The following KAZN variants were observed in gnomAD, a reference collection of about 807,000 sequenced individuals.
KAZN encodes the protein kazrin, periplakin interacting protein.
In KAZN, 40 loss-of-function variants were observed where a neutral mutation model predicts 87.4. The observed-to-expected ratio is 0.46, with a 90% CI of 0.36 to 0.60. The LOEUF is 0.60. Ranked by LOEUF, KAZN falls within the 20% of genes least tolerant of loss-of-function variation. The pLI is 0.00. For synonymous variants in KAZN, 466 were observed against 458.3 expected (o/e 1.02, Z -0.22); for missense variants, 898 against 1,073.9 (o/e 0.84, Z 2.29).
intron 2 of KAZN, among the ~76,000 whole-genome samples, chr1:14,564,656 A>AAC (rs1674444863): frequency 6.6e-6 from 1 of 150,684 alleles, no homozygotes; most frequent in Admixed American, 6.6e-5. Context: ...ATACAAAAAA[A>AAC]AAAAAAATTA....
At chr1:14,217,163 T>C (rs1245756997) in intron 2 of KAZN, among the ~76,000 whole-genome samples, 1 of 152,186 alleles carries the variant, frequency 6.6e-6, no homozygotes, top group Non-Finnish European at 1.5e-5. Context: ...AAGAAGACTC[T>C]TGCCAGATGC....
chr1:14,305,115 G>C (rs1200411027), intron 2 of KAZN, among the ~76,000 whole-genome samples: 1 of 152,076 alleles, frequency 6.6e-6, no homozygotes, highest in African/African-American at 2.4e-5. Flanking sequence ...CTCTGCATCA[G>C]CTACGGTTTT....
At chr1:14,961,769 A>G (rs533115977) in intron 2 of KAZN, among the ~76,000 whole-genome samples, 25 of 152,320 alleles carry the variant, frequency 1.6e-4, no homozygotes, top group African/African-American at 5.8e-4. Flanking sequence ...ATCCTCTTTA[A>G]AAATGTTGTT....
intron 2 of KAZN, among the ~76,000 whole-genome samples, chr1:15,034,278 G>A (rs1672024931): frequency 6.6e-6 from 1 of 152,228 alleles, no homozygotes; most frequent in Non-Finnish European, 1.5e-5. Flanking sequence ...CTTAGTGCAT[G>A]TTTTTAACGT....
chr1:13,942,228 ATT>A (rs1640954960), intron 1 of KAZN, among the ~76,000 whole-genome samples: 2 of 151,822 alleles, frequency 1.3e-5, no homozygotes, highest in Non-Finnish European at 2.9e-5. Context: ...AGCAGAACAA[ATT>A]TTTTTTCTGG....
intron 2 of KAZN, among the ~76,000 whole-genome samples, chr1:14,231,310 AAAAC>A (rs1010012825): frequency 6.6e-5 from 10 of 152,226 alleles, no homozygotes; most frequent in South Asian, 2.1e-4. Context: ...TACATAACAG[AAAAC>A]AAACAAACAA....
At chr1:14,811,936 A>G (rs1387171931) in intron 1 of KAZN, among the ~76,000 whole-genome samples, 4 of 152,218 alleles carry the variant, frequency 2.6e-5, no homozygotes, top group African/African-American at 9.7e-5. Context: ...CAAGGTCTTC[A>G]AAATCCATCT....
chr1:14,379,376 G>A (rs1316048191), intron 2 of KAZN, among the ~76,000 whole-genome samples: 1 of 152,010 alleles, frequency 6.6e-6, no homozygotes, highest in African/African-American at 2.4e-5. Context: ...AAGTAAACAG[G>A]ACTTTGTTTT....
At chr1:15,067,159 T>C in intron 8 of KAZN, 4 of 985,572 alleles carry the variant, frequency 4.1e-6, no homozygotes, top group Non-Finnish European at 4.8e-6. Flanking sequence ...GCAGGTGTTG[T>C]TAGGGGAGGC....
chr1:14,081,696 G>A lies in KAZN; in HGVS notation c.92-98739G>A, dbSNP rs983012699. On this transcript the variant is annotated intron_variant, in intron 1 of 16. Transcript: ENST00000636203. ...GATTTAAATGATCAGTGTGACATCA[G>A]CACTCAACTTGAGGACACATAGACA... is the stretch of plus-strand genomic sequence containing the variant. Among the ~76,000 whole-genome samples, 3 of 152,208 alleles carry A rather than the reference G, an allele frequency of 2.0e-5. No homozygotes were observed. The East Asian group carries it at 5.8e-4, about 29-fold the overall frequency.
chr1:14,650,260 A>G (rs374967646), intron 1 of KAZN, among the ~76,000 whole-genome samples: 12 of 152,272 alleles, frequency 7.9e-5, no homozygotes, highest in African/African-American at 1.7e-4. Flanking sequence ...CCAAATACAT[A>G]TTAAAGACTT....
chr1:14,661,576 C>T (rs553253960), intron 1 of KAZN, among the ~76,000 whole-genome samples: 10 of 150,562 alleles, frequency 6.6e-5, no homozygotes, highest in African/African-American at 2.2e-4. Flanking sequence ...GGTGGTGGGC[C>T]GTAGTTTGCT....
At chr1:14,608,980 G>A (rs1288359489) in intron 1 of KAZN, among the ~76,000 whole-genome samples, 1 of 152,036 alleles carries the variant, frequency 6.6e-6, no homozygotes, top group Non-Finnish European at 1.5e-5. Context: ...GCAAGAATAC[G>A]CTCACCGTTT....
chr1:14,428,787 G>A (rs957309429), intron 2 of KAZN, among the ~76,000 whole-genome samples: 4 of 150,828 alleles, frequency 2.7e-5, no homozygotes, highest in Non-Finnish European at 5.9e-5. Context: ...AGAACAGTAT[G>A]GGGGAAACCA....
chr1:13,956,206 T>C (rs1281832174), intron 1 of KAZN, among the ~76,000 whole-genome samples: 1 of 152,252 alleles, frequency 6.6e-6, no homozygotes, highest in Admixed American at 6.5e-5. Context: ...TTGTCACTAA[T>C]GTGTACAGTC....
At chr1:14,961,760 TC>T (rs1663894808) in intron 2 of KAZN, among the ~76,000 whole-genome samples, 11 of 152,334 alleles carry the variant, frequency 7.2e-5, no homozygotes, top group Admixed American at 5.2e-4. Flanking sequence ...GAACAATGAA[TC>T]CTCTTTAAAA....
chr1:14,386,705 C>A (rs964303157), intron 2 of KAZN, among the ~76,000 whole-genome samples: 17 of 152,240 alleles, frequency 1.1e-4, no homozygotes, highest in African/African-American at 3.9e-4. Flanking sequence ...ATGGGCTTCC[C>A]TTTGAGGGTA....
chr1:15,091,577 T>C (rs12072230), intron 8 of KAZN, among the ~76,000 whole-genome samples: 65,584 of 152,112 alleles, frequency 0.43, 16,689 homozygotes, highest in East Asian at 0.91. Context: ...GTCTCGATCT[T>C]CTGACCTCGT....
At chr1:15,065,180 C>T (rs536942587) in intron 7 of KAZN, among the ~76,000 whole-genome samples, 5 of 152,154 alleles carry the variant, frequency 3.3e-5, no homozygotes, top group Non-Finnish European at 5.9e-5. Flanking sequence ...AGGTGCCTAT[C>T]ACCACATCCG....
Sources: gnomAD v4.1 joint callset for allele counts (sites outside exome capture counted in the v4.1 genomes callset) on GRCh38, gnomAD v4.1.1 for gene constraint, MANE v1.5 for transcripts, NCBI Gene and HGNC (gene_info 2026-07-23, HGNC 2026-07-21) for gene names.